Variants in ACYP2 observed in about 807,000 individuals in gnomAD.
ACYP2 encodes acylphosphatase 2, also known as acylphosphatase-2.
Under a neutral mutation model 11.2 loss-of-function variants are expected in ACYP2, and 12 were observed. The ratio of observed to expected loss-of-function variants is 1.08; its 90% CI spans 0.69 to 1.74. The LOEUF is 1.74. Ranked by LOEUF, ACYP2 falls within the 40% of genes most tolerant of loss-of-function variation. The pLI, the probability that ACYP2 is intolerant of heterozygous loss-of-function variation, is 0.00. For missense variants in ACYP2, 134 were observed against 101.9 expected, an observed-to-expected ratio of 1.31 and a Z score of -1.35; for synonymous variants, 43 against 32.2, an observed-to-expected ratio of 1.33 and a Z score of -1.13.
intron 6 of ACYP2, among the ~76,000 whole-genome samples, chr2:54,241,083 G>A (rs981871318): frequency 1.3e-5 from 2 of 152,122 alleles, no homozygotes; most frequent in Non-Finnish European, 2.9e-5. Context: ...GGCCCAAAGA[G>A]TATCATCTTT....
intron 2 of ACYP2, among the ~76,000 whole-genome samples, chr2:54,026,924 C>T (rs1674318824): frequency 1.3e-5 from 2 of 151,860 alleles, no homozygotes; most frequent in African/African-American, 4.8e-5. Context: ...GGGAGGGGAG[C>T]GAGGGATAAA....
rs1420806170 is a variant in ACYP2 at position 54,255,017 on chromosome 2, G to A, written c.405-49671G>A. On this transcript the variant is annotated intron_variant, in intron 6 of 6. Transcript: ENST00000607452. ...GCGTCTTCACCCAACAGGTAGTACT[G>A]CAGTGGATTTGACCAGAGGTCCTCT... The A allele has an allele frequency of 1.9e-6, 3 of 1,614,064 alleles. No individual in the cohort carries two copies. The South Asian group carries it at 3.3e-5, about 18-fold the overall frequency.
chr2:53,973,117 G>A (rs139693692), intron 1 of ACYP2, among the ~76,000 whole-genome samples: 2 of 152,154 alleles, frequency 1.3e-5, no homozygotes. Context: ...ATGGAGAAGC[G>A]AACAATCCTA....
intron 4 of ACYP2, among the ~76,000 whole-genome samples, chr2:54,127,099 CT>C (rs34900505): frequency 0.12 from 15,246 of 130,938 alleles, 543 homozygotes; most frequent in African/African-American, 0.13. Context: ...TGAATAGCTG[CT>C]TTTTTTTTTT....
intron 2 of ACYP2, among the ~76,000 whole-genome samples, chr2:53,986,132 T>A (rs1558453592): frequency 6.6e-6 from 1 of 151,236 alleles, no homozygotes; most frequent in Non-Finnish European, 1.5e-5. Flanking sequence ...ATCTCAAAAA[T>A]AATAATAATA....
At chr2:54,290,215 G>A (rs1689243123) in intron 6 of ACYP2, among the ~76,000 whole-genome samples, 1 of 152,078 alleles carries the variant, frequency 6.6e-6, no homozygotes, top group Non-Finnish European at 1.5e-5. Flanking sequence ...AAGCTTCCCC[G>A]GGCGAGGCCG....
In ACYP2 at chr2:54,014,184, A is replaced by G. The variant is rs192244540; in HGVS notation, c.63-36774A>G. Among the ~76,000 whole-genome samples, 4 of 151,906 alleles carry G rather than the reference A, an allele frequency of 2.6e-5. No individual in the cohort carries two copies. The East Asian group carries it at 5.8e-4, about 22-fold the overall frequency. ...CTGAAAAAAAAAAAGAAAGAAACTC[A>G]GTAAAATTAAGGCAGGCAGGGCAGG... On this transcript the variant is annotated intron_variant, in intron 2 of 6. Transcript: ENST00000607452.
intron 6 of ACYP2, among the ~76,000 whole-genome samples, chr2:54,211,383 TTAAC>T (rs905028257): frequency 2.9e-4 from 44 of 152,354 alleles, no homozygotes; most frequent in African/African-American, 9.4e-4. Flanking sequence ...ACAGTGATAT[TTAAC>T]TAATATGAAA....
At chr2:54,161,456 A>G (rs896345313) in intron 6 of ACYP2, among the ~76,000 whole-genome samples, 5 of 152,252 alleles carry the variant, frequency 3.3e-5, no homozygotes, top group African/African-American at 4.8e-5. Flanking sequence ...AAGGGCGTAT[A>G]GCAAGCTCAG....
At chr2:54,217,237 A>G (rs1040426597) in intron 6 of ACYP2, among the ~76,000 whole-genome samples, 6 of 152,240 alleles carry the variant, frequency 3.9e-5, no homozygotes, top group African/African-American at 1.4e-4. Context: ...CTGTAATTAC[A>G]GGAGTATTCT....
At chr2:54,301,355 T>C (rs1012732368) in intron 6 of ACYP2, among the ~76,000 whole-genome samples, 2 of 152,228 alleles carry the variant, frequency 1.3e-5, no homozygotes, top group African/African-American at 4.8e-5. Flanking sequence ...AAGATGTCTC[T>C]GAGTACCTTG....
chr2:54,125,474 G>A (rs1680434791), intron 4 of ACYP2, among the ~76,000 whole-genome samples: 1 of 152,162 alleles, frequency 6.6e-6, no homozygotes, highest in Non-Finnish European at 1.5e-5. Flanking sequence ...TTTTGGCCAG[G>A]CACGGTGGTT....
intron 6 of ACYP2, chr2:54,254,788 A>C (rs937836983): frequency 3.5e-6 from 3 of 864,942 alleles, no homozygotes; most frequent in Middle Eastern, 3.6e-4. Context: ...GAGAGAACGG[A>C]AAGTTTAAAC....
chr2:54,178,357 T>A (rs1184887612), intron 6 of ACYP2, among the ~76,000 whole-genome samples: 5 of 152,224 alleles, frequency 3.3e-5, no homozygotes, highest in Non-Finnish European at 7.3e-5. Flanking sequence ...TTGAGTTGTT[T>A]ATCCAGTAGT....
intron 4 of ACYP2, among the ~76,000 whole-genome samples, chr2:54,123,829 C>T (rs1044299726): frequency 1.3e-5 from 2 of 152,126 alleles, no homozygotes; most frequent in African/African-American, 4.8e-5. Flanking sequence ...GCCAAGTCAG[C>T]CCCTGTTGAA....
intron 6 of ACYP2, among the ~76,000 whole-genome samples, chr2:54,192,220 ATT>A (rs1258368905): frequency 6.6e-6 from 1 of 151,876 alleles, no homozygotes. Flanking sequence ...CTTGGGAAAT[ATT>A]TTTTTCTCCT....
intron 4 of ACYP2, among the ~76,000 whole-genome samples, chr2:54,093,927 G>A (rs1243654007): frequency 6.7e-6 from 1 of 148,368 alleles, no homozygotes; most frequent in Non-Finnish European, 1.5e-5. Flanking sequence ...GTGACAGAAC[G>A]AGACTCTGTC....
intron 4 of ACYP2, chr2:54,123,106 T>C: frequency 2.8e-6 from 1 of 354,378 alleles, no homozygotes; most frequent in Non-Finnish European, 5.0e-6. Flanking sequence ...ATGTTTCTCC[T>C]TCTAAATTTA....
intron 6 of ACYP2, among the ~76,000 whole-genome samples, chr2:54,227,510 CG>C (rs1268683687): frequency 1.3e-5 from 2 of 151,940 alleles, no homozygotes; most frequent in East Asian, 3.9e-4. Flanking sequence ...CATGGTGGCG[CG>C]TGCCTGTAGT....
Sources: gnomAD v4.1 joint callset for allele counts (sites outside exome capture counted in the v4.1 genomes callset) on GRCh38, gnomAD v4.1.1 for gene constraint, MANE v1.5 for transcripts, NCBI Gene and HGNC (gene_info 2026-07-23, HGNC 2026-07-21) for gene names.